Variants in EPHA5 observed in about 807,000 individuals in gnomAD.
The protein encoded by EPHA5 is ephrin type-A receptor 5.
In EPHA5, 60 loss-of-function variants were observed where a neutral mutation model predicts 105.0. The observed-to-expected ratio is 0.57, with a 90% CI of 0.46 to 0.71. The LOEUF (loss-of-function observed/expected upper bound fraction) is 0.71, where lower values mean the gene tolerates loss of function less well. Among genes scored for constraint, EPHA5 ranks in the 30% least tolerant of loss-of-function variants. The pLI, the probability that EPHA5 is intolerant of heterozygous loss-of-function variation, is 0.00. For missense variants in EPHA5, 1,218 were observed against 1,274.7 expected (o/e 0.96, Z 0.68); for synonymous variants, 513 against 449.1 (o/e 1.14, Z -1.80).
chr4:65,375,475 C>G (rs1284326327), intron 8 of EPHA5, among the ~76,000 whole-genome samples: 2 of 151,738 alleles, frequency 1.3e-5, no homozygotes, highest in Non-Finnish European at 2.9e-5. Context: ...GTTTTATAAA[C>G]CACCTGAAGC....
chr4:65,664,718 C>T (rs993611906), intron 1 of EPHA5, among the ~76,000 whole-genome samples: 3 of 151,932 alleles, frequency 2.0e-5, no homozygotes, highest in Non-Finnish European at 2.9e-5. Flanking sequence ...CTGAAATATA[C>T]TCACTACAGA....
chr4:65,516,712 G>A (rs1159684807), intron 3 of EPHA5, among the ~76,000 whole-genome samples: 1 of 152,000 alleles, frequency 6.6e-6, no homozygotes, highest in East Asian at 1.9e-4. Context: ...ATCTTCAAAA[G>A]AGAAAATTTT....
chr4:65,423,863 T>C (rs1724168602), intron 5 of EPHA5, among the ~76,000 whole-genome samples: 1 of 151,988 alleles, frequency 6.6e-6, no homozygotes, highest in Non-Finnish European at 1.5e-5. Flanking sequence ...GAGGTGCCAT[T>C]GCTTCTAAGC....
intron 3 of EPHA5, among the ~76,000 whole-genome samples, chr4:65,519,088 C>G (rs982945825): frequency 6.6e-6 from 1 of 152,076 alleles, no homozygotes; most frequent in African/African-American, 2.4e-5. Context: ...CAAACTGAAT[C>G]CAGCAGCACA....
chr4:65,616,454 C>CACACAG (rs1454115764), intron 2 of EPHA5, among the ~76,000 whole-genome samples: 25 of 147,960 alleles, frequency 1.7e-4, no homozygotes, highest in East Asian at 1.4e-3. Flanking sequence ...CACACACACA[C>CACACAG]AGAGAGAGAG....
intron 11 of EPHA5, among the ~76,000 whole-genome samples, chr4:65,358,194 A>G (rs1723491315): frequency 6.6e-6 from 1 of 151,510 alleles, no homozygotes; most frequent in Admixed American, 6.6e-5. Flanking sequence ...GTTGCTGCTA[A>G]ATATAGGCTT....
chr4:65,500,863 AT>A (rs1414411296), intron 3 of EPHA5, among the ~76,000 whole-genome samples: 4 of 151,026 alleles, frequency 2.6e-5, no homozygotes, highest in Non-Finnish European at 3.0e-5. Flanking sequence ...TATAAAGGAA[AT>A]TGAGTTAAAA....
At position 65,333,276 on chromosome 4, in the gene EPHA5, A is replaced by G. The variant is rs1720818783; in HGVS notation, c.2790-1148T>C. ...GACACAAATACCTTTCTCTCTACTC[A>G]GGTTCTCTCTACTTTCTCACATTCC... On this transcript the variant is annotated intron_variant, in intron 15 of 16. Transcript: ENST00000613740. Among the ~76,000 whole-genome samples the G allele has an allele frequency of 2.0e-5, 3 of 151,702 alleles. No homozygotes were observed. The Admixed American group carries it at 2.0e-4, about 10-fold the overall frequency.
intron 13 of EPHA5, among the ~76,000 whole-genome samples, chr4:65,349,656 C>G (rs372279849): frequency 1.1e-4 from 17 of 152,156 alleles, no homozygotes; most frequent in African/African-American, 3.9e-4. Flanking sequence ...TGGGGTCATA[C>G]TAAAAATTAT....
intron 3 of EPHA5, among the ~76,000 whole-genome samples, chr4:65,558,577 T>A (rs12512255): frequency 0.27 from 40,741 of 151,888 alleles, 5,734 homozygotes; most frequent in Middle Eastern, 0.39. Context: ...AGTTTTAGGG[T>A]ACATGTGCAC....
At chr4:65,608,393 A>G (rs757480918) in intron 2 of EPHA5, among the ~76,000 whole-genome samples, 63 of 151,970 alleles carry the variant, frequency 4.1e-4, no homozygotes, top group Non-Finnish European at 1.3e-4. Flanking sequence ...AGTCCCAGCT[A>G]CTTGGGAGGC....
chr4:65,387,785 G>T (rs944846694), intron 8 of EPHA5, among the ~76,000 whole-genome samples: 1 of 151,650 alleles, frequency 6.6e-6, no homozygotes, highest in Non-Finnish European at 1.5e-5. Context: ...TTACATATTT[G>T]TCCATCTAAA....
intron 11 of EPHA5, among the ~76,000 whole-genome samples, chr4:65,353,703 A>T (rs1224605604): frequency 1.3e-5 from 2 of 151,632 alleles, no homozygotes; most frequent in African/African-American, 4.8e-5. Context: ...CTAAATAAAA[A>T]CTCCATCCTA....
intron 3 of EPHA5, among the ~76,000 whole-genome samples, chr4:65,503,437 C>T (rs539489618): frequency 2.0e-5 from 3 of 151,752 alleles, no homozygotes; most frequent in Non-Finnish European, 4.4e-5. Context: ...ACTTGAGAAT[C>T]TAGGGTTAAC....
intron 8 of EPHA5, among the ~76,000 whole-genome samples, chr4:65,368,046 G>GA (rs199893201): frequency 1.2e-3 from 176 of 151,430 alleles, no homozygotes; most frequent in Non-Finnish European, 1.8e-3. Flanking sequence ...TTATTACTAG[G>GA]AAAAAAAATC....
At chr4:65,350,503 A>G (rs1396062683) in intron 13 of EPHA5, among the ~76,000 whole-genome samples, 1 of 152,160 alleles carries the variant, frequency 6.6e-6, no homozygotes, top group African/African-American at 2.4e-5. Flanking sequence ...TATAGGGAAA[A>G]ATAAACAATG....
chr4:65,605,600 G>T (rs942386528), intron 2 of EPHA5, among the ~76,000 whole-genome samples: 1 of 152,146 alleles, frequency 6.6e-6, no homozygotes, highest in East Asian at 1.9e-4. Context: ...GTTATTAGGG[G>T]TGCCCATTAT....
chr4:65,376,778 A>T (rs1719046928), intron 8 of EPHA5, among the ~76,000 whole-genome samples: 1 of 152,016 alleles, frequency 6.6e-6, no homozygotes, highest in Non-Finnish European at 1.5e-5. Flanking sequence ...CCACAGTAAA[A>T]GCCTCAGAAG....
chr4:65,589,266 T>C (rs1742411177), intron 3 of EPHA5, among the ~76,000 whole-genome samples: 1 of 151,934 alleles, frequency 6.6e-6, no homozygotes, highest in African/African-American at 2.4e-5. Context: ...AACTTGTCCA[T>C]AATGGGAAAA....
Sources: gnomAD v4.1 joint callset for allele counts (sites outside exome capture counted in the v4.1 genomes callset) on GRCh38, gnomAD v4.1.1 for gene constraint, MANE v1.5 for transcripts, NCBI Gene and HGNC (gene_info 2026-07-23, HGNC 2026-07-21) for gene names.